The following MYO3A variants were observed in gnomAD, a reference collection of about 807,000 sequenced individuals.
MYO3A encodes the protein myosin IIIA, also known as myosin-IIIa.
MYO3A carries 180 observed loss-of-function variants against 192.7 expected under a neutral mutation model. That is an observed-to-expected ratio of 0.93 (90% CI 0.83 to 1.06). The LOEUF is 1.06. Among genes scored for constraint, MYO3A ranks in the 50% least tolerant of loss-of-function variants. The probability of loss-of-function intolerance (pLI) is 0.00; values close to 1 mark genes in which losing one functional copy is unlikely to be tolerated. For missense variants in MYO3A, 1,896 were observed against 1,905.0 expected (o/e 1.00, Z 0.09); for synonymous variants, 628 against 645.3 (o/e 0.97, Z 0.41).
At chr10:26,210,676 G>T (rs992688015) in intron 34 of MYO3A, among the ~76,000 whole-genome samples, 12 of 152,136 alleles carry the variant, frequency 7.9e-5, no homozygotes, top group Admixed American at 7.2e-4. Context: ...CCTTGACATG[G>T]TCTCAAATTA....
At chr10:26,142,687 T>C (rs993419936) in intron 20 of MYO3A, among the ~76,000 whole-genome samples, 1 of 152,214 alleles carries the variant, frequency 6.6e-6, no homozygotes, top group Non-Finnish European at 1.5e-5. Context: ...GAGATGAACC[T>C]ATGTGTCCTT....
At chr10:26,017,400 G>A (rs79404253) in intron 7 of MYO3A, among the ~76,000 whole-genome samples, 1,728 of 151,826 alleles carry the variant, frequency 0.011, 40 homozygotes, top group African/African-American at 0.037. Flanking sequence ...AATAGTTGAG[G>A]GAAAAAGTTT....
At chr10:26,114,405 A>G (rs1409958674) in intron 17 of MYO3A, among the ~76,000 whole-genome samples, 1 of 152,204 alleles carries the variant, frequency 6.6e-6, no homozygotes, top group Non-Finnish European at 1.5e-5. Context: ...CATTCCCAAA[A>G]CAAAATCACT....
chr10:26,056,677 G>A (rs1834130066), intron 10 of MYO3A, among the ~76,000 whole-genome samples: 1 of 114,386 alleles, frequency 8.7e-6, no homozygotes, highest in African/African-American at 2.8e-5. Flanking sequence ...TCCTAAATGT[G>A]TTCAAGTTCC....
At chr10:26,160,613 C>A (rs1019174503) in intron 26 of MYO3A, among the ~76,000 whole-genome samples, 2 of 151,912 alleles carry the variant, frequency 1.3e-5, no homozygotes, top group Admixed American at 1.3e-4. Context: ...CCACTGCACT[C>A]CAGCCTGGGT....
chr10:26,128,456 A>G lies in MYO3A; in HGVS notation c.2180A>G (p.Asn727Ser), dbSNP rs369155185. 8.7e-6 allele frequency: 14 copies of G among 1,612,504 alleles called. No homozygotes were observed. Among genetic ancestry groups the G allele is most frequent in the Non-Finnish European group, 1.2e-5 (14 of 1,178,870 alleles). Residue 727 changes from asparagine (N) to serine (S), a missense_variant, in exon 20 of 35, where the codon AAT becomes AGT. By Grantham distance (46) the Asn-to-Ser change is conservative. Coordinates refer to ENST00000642920, the MANE Select transcript of MYO3A (RefSeq NM_017433.5). ...TTTGGCTTTGAAAATTTCAAAAAAA[A>G]TTCCTTCGAGCAGCTGTGCATTAAC... The part of the protein sequence containing the change: ...DIFGFENFKK[N>S]SFEQLCINIA...
intron 17 of MYO3A, among the ~76,000 whole-genome samples, chr10:26,105,418 C>T (rs1220620378): frequency 2.6e-5 from 4 of 152,034 alleles, no homozygotes; most frequent in East Asian, 1.9e-4. Context: ...GTGAAAGTAA[C>T]ATGTTGTTTT....
At chr10:26,147,616 C>A in intron 23 of MYO3A, 57 bp downstream of exon 23, 1 of 1,610,550 alleles carries the variant, frequency 6.2e-7, no homozygotes, top group Non-Finnish European at 8.5e-7. Flanking sequence ...TAGTTTCTAT[C>A]TCTGCGCTTT....
At chr10:25,968,341 C>CAT (rs1345477708) in intron 4 of MYO3A, among the ~76,000 whole-genome samples, 1 of 152,098 alleles carries the variant, frequency 6.6e-6, no homozygotes, top group Non-Finnish European at 1.5e-5. Flanking sequence ...TTAAAACAGA[C>CAT]ATTTATGTCA....
At chr10:26,018,888 G>A (rs1842122869) in intron 7 of MYO3A, among the ~76,000 whole-genome samples, 1 of 151,786 alleles carries the variant, frequency 6.6e-6, no homozygotes. Flanking sequence ...AAAATGATGG[G>A]GCAAAAGACA....
rs1045448360 is a variant in MYO3A at position 26,100,261 on chromosome 10, A to G, written c.1776+3579A>G. 2.6e-5 allele frequency among the ~76,000 whole-genome samples: 4 copies of G among 151,976 alleles called. No homozygotes were observed. In the East Asian group the frequency reaches 7.7e-4, roughly 29 times the overall value. On this transcript the variant is annotated intron_variant, in intron 17 of 34. Transcript: ENST00000642920. ...TGGGATTGATGGTGGTGTCCCCTTT[A>G]TCATTTTTGTTGCATCTGTTTGATT...
At chr10:26,097,966 G>C (rs146462274) in intron 17 of MYO3A, among the ~76,000 whole-genome samples, 9,292 of 152,234 alleles carry the variant, frequency 0.061, 365 homozygotes, top group Non-Finnish European at 0.088. Context: ...GGTATTTCTA[G>C]TTCTAGATCC....
intron 17 of MYO3A, among the ~76,000 whole-genome samples, chr10:26,098,340 A>C (rs1837194238): frequency 6.6e-6 from 1 of 152,074 alleles, no homozygotes; most frequent in South Asian, 2.1e-4. Context: ...AGATTGTAAA[A>C]ATTTTCTCCC....
intron 4 of MYO3A, among the ~76,000 whole-genome samples, chr10:25,955,228 C>T (rs1202038903): frequency 2.6e-5 from 4 of 151,926 alleles, no homozygotes; most frequent in African/African-American, 9.7e-5. Context: ...GAAATGACTC[C>T]ACAATAAAAG....
intron 22 of MYO3A, among the ~76,000 whole-genome samples, chr10:26,146,295 A>G (rs1477407871): frequency 6.6e-6 from 1 of 152,254 alleles, no homozygotes; most frequent in Non-Finnish European, 1.5e-5. Context: ...GAAAGAATGT[A>G]TCAAATGAAA....
At chr10:26,206,655 G>T (rs1326489184) in intron 34 of MYO3A, among the ~76,000 whole-genome samples, 1 of 151,494 alleles carries the variant, frequency 6.6e-6, no homozygotes, top group Non-Finnish European at 1.5e-5. Context: ...CACCATGTTG[G>T]CCAGGCTGGT....
At chr10:26,167,304 A>C (rs1170863112) in intron 27 of MYO3A, among the ~76,000 whole-genome samples, 5 of 152,202 alleles carry the variant, frequency 3.3e-5, no homozygotes, top group Non-Finnish European at 2.9e-5. Flanking sequence ...AGATTTAAAA[A>C]AAAAGCCACC....
rs755920767 is a variant in MYO3A at position 25,954,856 on chromosome 10, ATGACTTTTTGAAAC to A, written c.169-16_169-3del. On this transcript the variant is annotated splice_region_variant and splice_polypyrimidine_tract_variant and intron_variant, in intron 3 of 34. Transcript: ENST00000642920. Reference sequence around the variant, plus strand: ...ATGGTTTTCTCACAGTTCTATTCTTATGACTTTTTGAAACTAGGATATTGACGAAGAGATTGAAG... The same window carrying A: ...ATGGTTTTCTCACAGTTCTATTCTTATAGGATATTGACGAAGAGATTGAAG... 6.2e-7 allele frequency: 1 copy of A among 1,609,300 alleles called. No individual in the cohort carries two copies. The highest frequency in any genetic ancestry group is 1.1e-5 in the South Asian group (1 of 90,890).
rs897442891 is a variant in MYO3A, at chr10:26,212,133, C to T, written c.*170C>T. The stretch of plus-strand genomic sequence containing the variant: ...TCAAGTGCCCGGGCCGGCCTTCGTG[C>T]TCCGAAACAAGAGACCTGGGAGCCC... On this transcript the variant is annotated 3_prime_UTR_variant, in exon 35 of 35. Coordinates refer to ENST00000642920, the MANE Select transcript of MYO3A (RefSeq NM_017433.5). 6 of 1,035,806 alleles carry T rather than the reference C, an allele frequency of 5.8e-6. No individual in the cohort carries two copies. In the South Asian group the frequency reaches 8.2e-5, roughly 14 times the overall value. 64.2% of individuals were successfully genotyped at this position (1,035,806 alleles called of 1,614,324 possible). A position where few individuals can be genotyped will look rare whatever the true frequency, so the allele number is the denominator to read the frequency against.
Sources: gnomAD v4.1 joint callset for allele counts (sites outside exome capture counted in the v4.1 genomes callset) on GRCh38, gnomAD v4.1.1 for gene constraint, MANE v1.5 for transcripts, NCBI Gene and HGNC (gene_info 2026-07-23, HGNC 2026-07-21) for gene names.